Variants in HTR1F observed in about 807,000 individuals in gnomAD.
The protein encoded by HTR1F is 5-hydroxytryptamine receptor 1F, also known as 5-hydroxytryptamine (serotonin) receptor 1F, G protein-coupled.
In HTR1F, 17 loss-of-function variants were observed where a neutral mutation model predicts 24.0. That is an observed-to-expected ratio of 0.71 (90% CI 0.48 to 1.06). The LOEUF is 1.06. Among genes scored for constraint, HTR1F ranks in the 50% least tolerant of loss-of-function variants. The pLI is 0.00. For missense variants in HTR1F, 391 were observed against 427.8 expected (o/e 0.91, Z 0.76); for synonymous variants, 186 against 156.8 (o/e 1.19, Z -1.39).
At chr3:87,950,638 A>C (rs1181717438) in intron 2 of HTR1F, among the ~76,000 whole-genome samples, 1 of 152,140 alleles carries the variant, frequency 6.6e-6, no homozygotes, top group African/African-American at 2.4e-5. Flanking sequence ...AATGATTATA[A>C]TCTGGAATAA....
At chr3:87,924,139 G>T (rs1704072669) in intron 2 of HTR1F, among the ~76,000 whole-genome samples, 1 of 151,748 alleles carries the variant, frequency 6.6e-6, no homozygotes, top group African/African-American at 2.4e-5. Flanking sequence ...TTTCTTTTTT[G>T]GAAGACTTTT....
At chr3:87,965,465 G>A (rs1187220836) in intron 2 of HTR1F, among the ~76,000 whole-genome samples, 2 of 152,062 alleles carry the variant, frequency 1.3e-5, no homozygotes, top group African/African-American at 2.4e-5. Context: ...TATGAAATAG[G>A]AGGATGAAAA....
At chr3:87,988,643 G>A (rs564464333) in intron 2 of HTR1F, among the ~76,000 whole-genome samples, 1 of 152,140 alleles carries the variant, frequency 6.6e-6, no homozygotes. Flanking sequence ...AGGTGCAGTG[G>A]CACGATTTTG....
intron 2 of HTR1F, among the ~76,000 whole-genome samples, chr3:87,946,087 G>C (rs189668140): frequency 3.3e-5 from 5 of 152,188 alleles, no homozygotes; most frequent in African/African-American, 1.2e-4. Context: ...TGTTCAGCTC[G>C]ATTAGGATGA....
intron 2 of HTR1F, among the ~76,000 whole-genome samples, chr3:87,941,594 T>C (rs1289433661): frequency 1.3e-5 from 2 of 152,150 alleles, no homozygotes; most frequent in Admixed American, 6.5e-5. Flanking sequence ...CTTGGGATAA[T>C]GCCTGGCCAA....
chr3:87,822,063 G>T lies in HTR1F; in HGVS notation c.-104G>T, dbSNP rs1212219405. ...TGAAACTTTCATGAACTTCTCAAAA[G>T]AACAGGAACATGAGGAGACGAAATG... On this transcript the variant is annotated 5_prime_UTR_variant, in exon 2 of 3. The change creates a premature stop within an existing upstream ORF in the 5' untranslated region. Coordinates refer to ENST00000319595, the MANE Select transcript of HTR1F (RefSeq NM_001322209.2). Among the ~76,000 whole-genome samples the T allele has an allele frequency of 6.6e-6, 1 of 151,856 alleles. No individual in the cohort carries two copies. Among genetic ancestry groups the T allele is most frequent in the Non-Finnish European group, 1.5e-5 (1 of 67,988 alleles).
chr3:87,843,297 G>A (rs952773061), intron 2 of HTR1F, among the ~76,000 whole-genome samples: 13 of 151,748 alleles, frequency 8.6e-5, no homozygotes, highest in African/African-American at 2.9e-4. Flanking sequence ...GATATGCTTT[G>A]CTGCATTCTG....
chr3:87,947,188 T>C (rs1253191240), intron 2 of HTR1F, among the ~76,000 whole-genome samples: 1 of 152,218 alleles, frequency 6.6e-6, no homozygotes, highest in African/African-American at 2.4e-5. Flanking sequence ...AATGCTATCA[T>C]AATATTTTCT....
chr3:87,823,671 ACCACCATGCCCGG>A (rs1463030633), intron 2 of HTR1F, among the ~76,000 whole-genome samples: 1 of 151,508 alleles, frequency 6.6e-6, no homozygotes, highest in Non-Finnish European at 1.5e-5. Context: ...TCAGGCGTGC[ACCACCATGCCCGG>A]CCAAGGCTGG....
intron 2 of HTR1F, among the ~76,000 whole-genome samples, chr3:87,876,908 C>T (rs1227932510): frequency 6.6e-6 from 1 of 152,064 alleles, no homozygotes; most frequent in African/African-American, 2.4e-5. Context: ...GTACTGTACA[C>T]TTAAAAATCA....
At chr3:87,956,225 G>C (rs1328101310) in intron 2 of HTR1F, among the ~76,000 whole-genome samples, 2 of 151,294 alleles carry the variant, frequency 1.3e-5, no homozygotes, top group Non-Finnish European at 3.0e-5. Flanking sequence ...TATCTGTAAA[G>C]AATTGATAAT....
chr3:87,834,963 A>G (rs1355244285), intron 2 of HTR1F, among the ~76,000 whole-genome samples: 7 of 152,220 alleles, frequency 4.6e-5, no homozygotes, highest in African/African-American at 1.7e-4. Flanking sequence ...GACCCTTTAC[A>G]GAAAGTCTAT....
chr3:87,829,769 T>C (rs1443959273), intron 2 of HTR1F, among the ~76,000 whole-genome samples: 2 of 152,248 alleles, frequency 1.3e-5, no homozygotes, highest in Non-Finnish European at 2.9e-5. Flanking sequence ...AAAATAATGA[T>C]GTTACTTAAT....
chr3:87,928,617 C>G (rs1442831327), intron 2 of HTR1F, among the ~76,000 whole-genome samples: 1 of 152,114 alleles, frequency 6.6e-6, no homozygotes, highest in Non-Finnish European at 1.5e-5. Context: ...ATTATGTGAA[C>G]CATTACTATC....
chr3:87,904,962 C>T (rs534949394), intron 2 of HTR1F, among the ~76,000 whole-genome samples: 1 of 152,034 alleles, frequency 6.6e-6, no homozygotes, highest in East Asian at 1.9e-4. Flanking sequence ...TTCACAAAAG[C>T]TGTGCAGTGA....
intron 2 of HTR1F, among the ~76,000 whole-genome samples, chr3:87,911,719 C>A (rs1703781899): frequency 6.6e-6 from 1 of 152,196 alleles, no homozygotes; most frequent in East Asian, 1.9e-4. Context: ...TAATCCACCA[C>A]TCTCAAGTAG....
chr3:87,842,188 G>T lies in HTR1F; in HGVS notation c.-43+20064G>T, dbSNP rs1392387468. On this transcript the variant is annotated intron_variant, in intron 2 of 2. Coordinates refer to ENST00000319595, the MANE Select transcript of HTR1F (RefSeq NM_001322209.2). ...TTTTGTTTTGTTTTTTTGAGACAGA[G>T]TTTCATTCTGTTGCCCAGGCTGGAG... Among the ~76,000 whole-genome samples the T allele has an allele frequency of 2.0e-5, 3 of 151,768 alleles. 1 individual carries two copies. Among genetic ancestry groups the T allele is most frequent in the African/African-American group, 7.3e-5 (3 of 41,168 alleles).
chr3:87,987,295 A>C (rs895249908), intron 2 of HTR1F, among the ~76,000 whole-genome samples: 3 of 152,038 alleles, frequency 2.0e-5, no homozygotes, highest in African/African-American at 7.2e-5. Context: ...CATGTTACTA[A>C]TACATCTTGT....
Position 87,836,994 on chromosome 3 carries a change from G to T in HTR1F, c.-43+14870G>T, listed in dbSNP as rs566467752. The stretch of plus-strand genomic sequence containing the variant: ...ATTTCATATCAGTGATATATTGTTA[G>T]TTTTTTGTGATAAGAAACATGAAAT... On this transcript the variant is annotated intron_variant, in intron 2 of 2. Transcript: ENST00000319595. Among the ~76,000 whole-genome samples the T allele has an allele frequency of 3.9e-5, 6 of 152,094 alleles. No homozygotes were observed. The East Asian group carries it at 1.2e-3, about 29-fold the overall frequency.
Sources: gnomAD v4.1 joint callset for allele counts (sites outside exome capture counted in the v4.1 genomes callset) on GRCh38, gnomAD v4.1.1 for gene constraint, MANE v1.5 for transcripts, NCBI Gene and HGNC (gene_info 2026-07-23, HGNC 2026-07-21) for gene names.